Variants in RIMBP2 observed in about 807,000 individuals in gnomAD.
RIMBP2 encodes RIMS binding protein 2, also known as RIMS-binding protein 2.
Under a neutral mutation model 118.6 loss-of-function variants are expected in RIMBP2, and 48 were observed. The ratio of observed to expected loss-of-function variants is 0.40; its 90% CI spans 0.32 to 0.51. RIMBP2 has a LOEUF of 0.51. Among genes scored for constraint, RIMBP2 ranks in the 20% least tolerant of loss-of-function variants. RIMBP2 has a pLI of 0.41. For synonymous variants in RIMBP2, 762 were observed against 742.9 expected (o/e 1.03, Z -0.42); for missense variants, 1,551 against 1,768.3 (o/e 0.88, Z 2.20).
intron 1 of RIMBP2, among the ~76,000 whole-genome samples, chr12:130,649,323 G>A (rs2063124989): frequency 2.0e-5 from 3 of 152,180 alleles, no homozygotes; most frequent in Admixed American, 6.5e-5. Context: ...AGGCCGCTCC[G>A]CTCCATGCAG....
chr12:130,484,720 C>T (rs563875896), intron 4 of RIMBP2, among the ~76,000 whole-genome samples: 37 of 152,346 alleles, frequency 2.4e-4, no homozygotes, highest in African/African-American at 7.7e-4. Flanking sequence ...GAGCTCTCCA[C>T]GCTGCCCACA....
Position 130,621,192 on chromosome 12 carries a change from G to A in RIMBP2, c.-217+7130C>T, listed in dbSNP as rs1282358153. Reference sequence around the variant, plus strand: ...AGTTCAGTCACCAGGCTCTGGAGATGGGTCTTCTGAAAGGTGAGGGTTAGG... The same window carrying A: ...AGTTCAGTCACCAGGCTCTGGAGATAGGTCTTCTGAAAGGTGAGGGTTAGG... On this transcript the variant is annotated intron_variant, in intron 2 of 22. Coordinates refer to ENST00000690449, the MANE Select transcript of RIMBP2 (RefSeq NM_001393629.1). The surrounding 1 kb of genome is among the most constrained non-coding windows in gnomAD (Gnocchi z 6.6). Among the ~76,000 whole-genome samples, 7 of 152,156 alleles carry A rather than the reference G, an allele frequency of 4.6e-5. No individual in the cohort carries two copies. Among genetic ancestry groups the A allele is most frequent in the African/African-American group, 1.7e-4 (7 of 41,440 alleles).
At position 130,638,412 on chromosome 12, in the gene RIMBP2, G is replaced by A. The variant is rs80106067; in HGVS notation, c.-351-9956C>T. Among the ~76,000 whole-genome samples, 1,373 of 152,250 alleles carry A rather than the reference G, an allele frequency of 9.0e-3. 20 individuals are homozygous for A. The highest frequency in any genetic ancestry group is 0.031 in the African/African-American group (1,294 of 41,544). ...TAAACTATATGATTCCAACTCTATC[G>A]GGGTCCCGAAGCCCCGAGCTGCGGG... On this transcript the variant is annotated intron_variant, in intron 1 of 22. Transcript: ENST00000690449.
intron 21 of RIMBP2, among the ~76,000 whole-genome samples, chr12:130,400,450 C>G (rs1385026861): frequency 6.6e-6 from 1 of 152,210 alleles, no homozygotes; most frequent in East Asian, 1.9e-4. Flanking sequence ...TATGCCTTGT[C>G]TAAAGTCGAG....
chr12:130,562,895 A>G lies in RIMBP2; in HGVS notation c.-216-44978T>C, dbSNP rs111641913. On this transcript the variant is annotated intron_variant, in intron 2 of 22. Transcript: ENST00000690449. The stretch of plus-strand genomic sequence containing the variant: ...CAAGAGTGAAGGGAATTTGAAAGGC[A>G]GGGGAAAATCACTGAGCTGGGAGTA... Among the ~76,000 whole-genome samples the G allele has an allele frequency of 1.6e-4, 24 of 152,334 alleles. 1 individual carries two copies. The highest frequency in any genetic ancestry group is 5.8e-4 in the African/African-American group (24 of 41,580).
intron 6 of RIMBP2, among the ~76,000 whole-genome samples, chr12:130,460,624 G>A (rs749416249): frequency 2.2e-4 from 33 of 152,156 alleles, no homozygotes; most frequent in African/African-American, 4.3e-4. Context: ...ACCTGCAAGC[G>A]TACTGGCGTT....
Position 130,447,240 on chromosome 12 carries a change from G to A in RIMBP2, c.582-1971C>T, listed in dbSNP as rs969746478. Among the ~76,000 whole-genome samples the A allele has an allele frequency of 6.6e-6, 1 of 152,040 alleles. No homozygotes were observed. Among genetic ancestry groups the A allele is most frequent in the African/African-American group, 2.4e-5 (1 of 41,386 alleles). On this transcript the variant is annotated intron_variant, in intron 9 of 22. Transcript: ENST00000690449. This position sits in a 1 kb window ranked among gnomAD's most constrained non-coding sequence, Gnocchi z 4.4. The stretch of plus-strand genomic sequence containing the variant: ...AGCCGCGGAGGCCAAGAGGGAAGGT[G>A]AACACCGAGAAGGGTGGAAGAAGGT...
At chr12:130,673,491 C>A (rs1455099278) in intron 1 of RIMBP2, among the ~76,000 whole-genome samples, 3 of 152,190 alleles carry the variant, frequency 2.0e-5, no homozygotes, top group Non-Finnish European at 4.4e-5. Flanking sequence ...CAGCTACTGA[C>A]CTCCAGAGGC....
intron 1 of RIMBP2, among the ~76,000 whole-genome samples, chr12:130,699,406 T>G (rs1368091911): frequency 6.6e-6 from 1 of 151,976 alleles, no homozygotes; most frequent in South Asian, 2.1e-4. Context: ...CCATAAAAAA[T>G]GATGAGTTCA....
At chr12:130,700,046 G>A (rs1262251904) in intron 1 of RIMBP2, among the ~76,000 whole-genome samples, 27 of 151,676 alleles carry the variant, frequency 1.8e-4, no homozygotes, top group Admixed American at 1.8e-3. Context: ...GTGGCTCTCA[G>A]CCCACAGATG....
chr12:130,401,147 G>A lies in RIMBP2; in HGVS notation c.3766-1334C>T, dbSNP rs543100268. On this transcript the variant is annotated intron_variant, in intron 21 of 22. Coordinates refer to ENST00000690449, the MANE Select transcript of RIMBP2 (RefSeq NM_001393629.1). ...TTTTTTTAAATTGAGACAGAGTCTC[G>A]CTCTGTCACCCAGGCTGAAGTGCAG... Among the ~76,000 whole-genome samples the A allele has an allele frequency of 4.2e-4, 63 of 151,796 alleles. 1 individual carries two copies. Among genetic ancestry groups the A allele is most frequent in the African/African-American group, 1.5e-3 (60 of 41,374 alleles).
rs2078558772 is a variant in RIMBP2, at chr12:130,446,818, G to C, written c.582-1549C>G. 6.6e-6 allele frequency among the ~76,000 whole-genome samples: 1 copy of C among 152,184 alleles called. No homozygotes were observed. The highest frequency in any genetic ancestry group is 1.5e-5 in the Non-Finnish European group (1 of 68,044). ...TTTGCGTTTTACAAAGAGACCTCGT[G>C]GGTGCTGTGTGGATGGAGCTTGGTG... On this transcript the variant is annotated intron_variant, in intron 9 of 22. Transcript: ENST00000690449. The surrounding 1 kb of genome is among the most constrained non-coding windows in gnomAD (Gnocchi z 4.1).
intron 1 of RIMBP2, among the ~76,000 whole-genome samples, chr12:130,644,911 C>T (rs879469514): frequency 6.6e-6 from 1 of 152,222 alleles, no homozygotes; most frequent in East Asian, 1.9e-4. Context: ...CCTTAAGCAG[C>T]ACCTGCCAGC....
intron 9 of RIMBP2, among the ~76,000 whole-genome samples, chr12:130,445,841 C>T (rs192288125): frequency 1.2e-4 from 18 of 152,238 alleles, no homozygotes; most frequent in Middle Eastern, 3.4e-3. Flanking sequence ...TAACTTTTGG[C>T]TAATATAATT....
intron 2 of RIMBP2, among the ~76,000 whole-genome samples, chr12:130,604,576 C>CTTTT (rs1566349638): frequency 2.0e-4 from 15 of 76,272 alleles, no homozygotes; most frequent in East Asian, 5.2e-4. Flanking sequence ...TACAGATGCC[C>CTTTT]CTTTTCTTTC....
intron 2 of RIMBP2, among the ~76,000 whole-genome samples, chr12:130,571,082 C>G (rs2057603132): frequency 6.6e-6 from 1 of 151,860 alleles, no homozygotes; most frequent in African/African-American, 2.4e-5. Context: ...ATTGTTTTGG[C>G]ACTTGAGGGA....
chr12:130,647,421 G>C (rs2063040700), intron 1 of RIMBP2, among the ~76,000 whole-genome samples: 1 of 109,362 alleles, frequency 9.1e-6, no homozygotes. Flanking sequence ...AAGGGAGTTA[G>C]AGTCAGGAGA....
At chr12:130,498,573 T>C (rs956843787) in intron 4 of RIMBP2, among the ~76,000 whole-genome samples, 30 of 136,726 alleles carry the variant, frequency 2.2e-4, no homozygotes, top group Non-Finnish European at 3.9e-4. Flanking sequence ...GAAAGCAACA[T>C]GAAACTGAGA....
intron 2 of RIMBP2, among the ~76,000 whole-genome samples, chr12:130,601,934 G>C (rs11613425): frequency 1.3e-5 from 2 of 152,078 alleles, no homozygotes; most frequent in Non-Finnish European, 2.9e-5. Flanking sequence ...AGGAATAAAG[G>C]GACAGCTCCT....
Sources: allele counts gnomAD v4.1 joint callset (sites outside exome capture counted in the v4.1 genomes callset), GRCh38; gene constraint gnomAD v4.1.1; non-coding constraint Gnocchi (gnomAD v3.1); transcripts MANE v1.5; gene names NCBI Gene and HGNC (gene_info 2026-07-23, HGNC 2026-07-21).